CDC42BPB: variants seen among roughly 807,000 people sequenced by gnomAD.
CDC42BPB encodes the protein serine/threonine-protein kinase MRCK beta.
Under a neutral mutation model 214.9 loss-of-function variants are expected in CDC42BPB, and 37 were observed. The observed-to-expected ratio is 0.17, with a 90% CI of 0.13 to 0.23. The LOEUF is 0.23. Among genes scored for constraint, CDC42BPB ranks in the 10% least tolerant of loss-of-function variants. CDC42BPB has a pLI of 1.00. For missense variants in CDC42BPB, 1,694 were observed against 2,227.0 expected (o/e 0.76, Z 4.82); for synonymous variants, 931 against 884.0 (o/e 1.05, Z -0.94).
intron 1 of CDC42BPB, among the ~76,000 whole-genome samples, chr14:103,021,679 C>A (rs1179902670): frequency 7.5e-6 from 1 of 133,356 alleles, no homozygotes; most frequent in African/African-American, 2.8e-5. Context: ...GACCTAGTCT[C>A]AAAAAAAAAA....
chr14:102,943,854 C>T lies in CDC42BPB; in HGVS notation c.4408+37G>A, dbSNP rs1177007676. 3.9e-6 allele frequency: 6 copies of T among 1,548,974 alleles called. No individual in the cohort carries two copies. The highest frequency in any genetic ancestry group is 5.2e-6 in the Non-Finnish European group (6 of 1,148,398). ...ACATGCTGACTGTCGGTGGGAAAAG[C>T]AGCAACAGGGATATGCAACAGAAAA... On this transcript the variant is annotated intron_variant, in intron 30 of 36. Transcript: ENST00000361246. This position sits in a 1 kb window ranked among gnomAD's most constrained non-coding sequence, Gnocchi z 4.6.
At chr14:102,951,453 T>C (rs1424460847) in intron 24 of CDC42BPB, among the ~76,000 whole-genome samples, 2 of 152,084 alleles carry the variant, frequency 1.3e-5, no homozygotes, top group Non-Finnish European at 2.9e-5. Context: ...GGTAAGAGCA[T>C]GTCGAATCCC....
chr14:102,983,857 A>C (rs1227486314), intron 6 of CDC42BPB, 101 bp from the exon 7 acceptor site: 1 of 1,483,232 alleles, frequency 6.7e-7, no homozygotes, highest in Non-Finnish European at 8.9e-7. Flanking sequence ...AAATGAAATA[A>C]TCATAGAATA....
chr14:102,965,973 T>C (rs559329464), intron 18 of CDC42BPB, among the ~76,000 whole-genome samples: 42 of 152,126 alleles, frequency 2.8e-4, no homozygotes, highest in African/African-American at 1.0e-3. Flanking sequence ...AAAAATAAAA[T>C]ACACACATCA....
At chr14:103,056,401 G>C (rs1192478740) in intron 1 of CDC42BPB, among the ~76,000 whole-genome samples, 3 of 152,232 alleles carry the variant, frequency 2.0e-5, no homozygotes, top group Admixed American at 6.5e-5. Context: ...TGTCACCCAG[G>C]AGGGGCCGTT....
chr14:102,934,948 T>G (rs1334537238), intron 36 of CDC42BPB, among the ~76,000 whole-genome samples: 2 of 149,880 alleles, frequency 1.3e-5, no homozygotes, highest in African/African-American at 2.5e-5. Flanking sequence ...AGGCGGAGCT[T>G]GCAGTGAGCC....
Position 102,949,752 on chromosome 14 carries a change from C to A in CDC42BPB, c.3449+13G>T, listed in dbSNP as rs759838155. The stretch of plus-strand genomic sequence containing the variant: ...GATTCACAGAGCAAGGACAGTGCTG[C>A]CCAAACGCAGACCTGAGATCCAAGA... On this transcript the variant is annotated intron_variant, in intron 26 of 36. Transcript: ENST00000361246. 18 of 1,613,096 alleles carry A rather than the reference C, an allele frequency of 1.1e-5. No individual in the cohort carries two copies. The highest frequency in any genetic ancestry group is 1.4e-5 in the Non-Finnish European group (17 of 1,180,002).
In CDC42BPB at chr14:102,951,469, A is replaced by T. The variant is rs373417067; in HGVS notation, c.3173-867T>A. ...GTAAGAGCATGTCGAATCCCAGCAC[A>T]GGGCAAGAGCACAAGATATAGCCTT... On this transcript the variant is annotated intron_variant, in intron 24 of 36. Coordinates refer to ENST00000361246, the MANE Select transcript of CDC42BPB (RefSeq NM_006035.4). Among the ~76,000 whole-genome samples, 8 of 152,194 alleles carry T rather than the reference A, an allele frequency of 5.3e-5. No homozygotes were observed. The East Asian group carries it at 1.3e-3, about 26-fold the overall frequency.
intron 1 of CDC42BPB, chr14:103,041,830 A>AACC (rs1888019549): frequency 2.4e-6 from 1 of 413,742 alleles, no homozygotes; most frequent in East Asian, 6.4e-5. Flanking sequence ...GCACCACTCC[A>AACC]ACCTCACCCT....
chr14:103,055,367 G>A (rs1025931105), intron 1 of CDC42BPB, among the ~76,000 whole-genome samples: 1 of 152,212 alleles, frequency 6.6e-6, no homozygotes, highest in African/African-American at 2.4e-5. Flanking sequence ...AGGTTGTAGT[G>A]AGCCAAGATC....
rs1319940405 is a variant in CDC42BPB, at chr14:102,975,715, T to C, written c.1476A>G (p.Glu492=). 6.2e-7 allele frequency: 1 copy of C among 1,614,192 alleles called. No homozygotes were observed. The highest frequency in any genetic ancestry group is 2.2e-5 in the East Asian group (1 of 44,890). ...NRDKEIKKLN[E]EIERLKNKIA... is the part of the protein sequence containing the mutation. ...TTTTATTCTTCAAGCGTTCGATTTC[T>C]TCATTTAGCTTTTTGATTTCTTTAT... Residue 492 remains glutamate (E), a synonymous_variant, in exon 11 of 37, where the codon GAA becomes GAG. Transcript: ENST00000361246.
intron 19 of CDC42BPB, 189 bp from the exon 20 acceptor site, chr14:102,963,344 T>C: frequency 1.1e-6 from 1 of 943,826 alleles, no homozygotes; most frequent in East Asian, 1.2e-4. Context: ...ATATAAACAT[T>C]CAAACAGGAA....
intron 9 of CDC42BPB, among the ~76,000 whole-genome samples, chr14:102,976,719 C>T (rs1893762778): frequency 6.6e-6 from 1 of 152,226 alleles, no homozygotes; most frequent in African/African-American, 2.4e-5. Flanking sequence ...CACCCAGCCC[C>T]CTTTAGAGAA....
intron 4 of CDC42BPB, among the ~76,000 whole-genome samples, chr14:103,003,147 A>C (rs1349713206): frequency 6.6e-6 from 1 of 152,068 alleles, no homozygotes; most frequent in Non-Finnish European, 1.5e-5. Flanking sequence ...TGCCATTGGG[A>C]ATGAGTTGGG....
chr14:102,976,303 TC>T, intron 9 of CDC42BPB: 1 of 646,546 alleles, frequency 1.5e-6, no homozygotes, highest in Non-Finnish European at 1.9e-6. Context: ...TTCTAAATCA[TC>T]CCCCACACTT....
At chr14:102,946,223 C>T (rs185313795) in intron 28 of CDC42BPB, among the ~76,000 whole-genome samples, 1 of 151,986 alleles carries the variant, frequency 6.6e-6, no homozygotes, top group East Asian at 1.9e-4. Context: ...CAGGGTTTCA[C>T]CGTGTTAGCC....
rs556187652 is a variant in CDC42BPB at position 103,001,299 on chromosome 14, C to T, written c.448-1586G>A. Among the ~76,000 whole-genome samples the T allele has an allele frequency of 7.9e-5, 12 of 152,312 alleles. No homozygotes were observed. Among genetic ancestry groups the T allele is most frequent in the South Asian group, 2.1e-4 (1 of 4,828 alleles). ...CTGGCAACAGGGGTGCTGGCATGCA[C>T]GAGACAGCGAGGTCCCTGGCTCAGC... On this transcript the variant is annotated intron_variant, in intron 4 of 36. Coordinates refer to ENST00000361246, the MANE Select transcript of CDC42BPB (RefSeq NM_006035.4). This position sits in a 1 kb window ranked among gnomAD's most constrained non-coding sequence, Gnocchi z 5.8.
chr14:102,993,750 G>A lies in CDC42BPB; in HGVS notation c.596+5815C>T, dbSNP rs1894602454. 3.3e-5 allele frequency among the ~76,000 whole-genome samples: 5 copies of A among 152,166 alleles called. No individual in the cohort carries two copies. In the South Asian group the frequency reaches 1.0e-3, roughly 32 times the overall value. Reference sequence around the variant, plus strand: ...AGATGACCAGTTTTATGACAAGGAAGACTTGAAGCAATGCATACAGGACAA... The same window carrying A: ...AGATGACCAGTTTTATGACAAGGAAAACTTGAAGCAATGCATACAGGACAA... On this transcript the variant is annotated intron_variant, in intron 5 of 36. Coordinates refer to ENST00000361246, the MANE Select transcript of CDC42BPB (RefSeq NM_006035.4).
chr14:102,946,946 G>A, intron 27 of CDC42BPB: 1 of 647,780 alleles, frequency 1.5e-6, no homozygotes, highest in Non-Finnish European at 1.9e-6. Flanking sequence ...AAAACTACGA[G>A]TAGCTGCCTA....
Sources: allele counts gnomAD v4.1 joint callset (sites outside exome capture counted in the v4.1 genomes callset), GRCh38; gene constraint gnomAD v4.1.1; non-coding constraint Gnocchi (gnomAD v3.1); transcripts MANE v1.5; gene names NCBI Gene and HGNC (gene_info 2026-07-23, HGNC 2026-07-21).